TAF1D: variants seen among roughly 807,000 people sequenced by gnomAD.
TAF1D encodes TATA-box binding protein associated factor, RNA polymerase I subunit D, also known as TATA box-binding protein-associated factor RNA polymerase I subunit D.
Under a neutral mutation model 26.2 loss-of-function variants are expected in TAF1D, and 23 were observed. The observed-to-expected ratio is 0.88, with a 90% CI of 0.63 to 1.25. The LOEUF (loss-of-function observed/expected upper bound fraction) is 1.25, where lower values mean the gene tolerates loss of function less well. Ranked by LOEUF, TAF1D falls within the 50% of genes most tolerant of loss-of-function variation. The pLI is 0.00. For missense variants in TAF1D, 299 were observed against 322.0 expected, an observed-to-expected ratio of 0.93 and a Z score of 0.55; for synonymous variants, 100 against 105.6, an observed-to-expected ratio of 0.95 and a Z score of 0.33.
At chr11:93,731,495 T>C (rs368385351), downstream of TAF1D, 12 of 518,606 alleles carry the variant, frequency 2.3e-5, no homozygotes, top group African/African-American at 2.1e-4. Context: ...CAATATTTAA[T>C]GTAAATGGAT....
intron 1 of TAF1D, among the ~76,000 whole-genome samples, chr11:93,741,109 T>A (rs1191055780): frequency 6.6e-6 from 1 of 152,236 alleles, no homozygotes; most frequent in Non-Finnish European, 1.5e-5. Flanking sequence ...TCTCAAGATA[T>A]AATGAAGCCC....
chr11:93,732,539 A>T, downstream of TAF1D: 1 of 457,594 alleles, frequency 2.2e-6, no homozygotes, highest in Non-Finnish European at 4.4e-6. Context: ...CCAAATTTGC[A>T]ATATTGCTGA....
downstream of TAF1D, chr11:93,731,033 G>C (rs1048585186): frequency 7.7e-6 from 4 of 518,898 alleles, no homozygotes; most frequent in African/African-American, 7.7e-5. Flanking sequence ...AACCTACTGG[G>C]AAATTTTTTT....
rs1941193683 is a variant in TAF1D, at chr11:93,738,507, A to C, written c.69-8T>G. 6.5e-7 allele frequency: 1 copy of C among 1,547,288 alleles called. No individual in the cohort carries two copies. The highest frequency in any genetic ancestry group is 1.4e-5 in the African/African-American group (1 of 71,852). On this transcript the variant is annotated splice_polypyrimidine_tract_variant and splice_region_variant and intron_variant, in intron 2 of 5. Transcript: ENST00000448108. ...CTATCAGAAGAGTTATCACTAGAAA[A>C]ATGGGAAAAAAATTAATTTCATCTT...
chr11:93,731,765 G>A, downstream of TAF1D: 1 of 346,372 alleles, frequency 2.9e-6, no homozygotes, highest in South Asian at 2.3e-5. Context: ...AGAATCTTTG[G>A]GATCTAATTT....
chr11:93,738,029 G>A (rs1941160985), intron 3 of TAF1D, 80 bp downstream of exon 3: 3 of 1,474,540 alleles, frequency 2.0e-6, no homozygotes, highest in Non-Finnish European at 2.7e-6. Flanking sequence ...CAGTATATCT[G>A]AGACAATTCT....
downstream of TAF1D, chr11:93,731,034 A>C (rs750505666): frequency 1.9e-6 from 1 of 519,068 alleles, no homozygotes; most frequent in South Asian, 1.4e-5. Flanking sequence ...ACCTACTGGG[A>C]AATTTTTTTA....
intron 5 of TAF1D, 168 bp from the exon 6 acceptor site, chr11:93,736,472 A>C: frequency 7.0e-7 from 1 of 1,425,242 alleles, no homozygotes; most frequent in African/African-American, 1.5e-5. Flanking sequence ...CTAACTAGCA[A>C]TAATATGTAT....
chr11:93,738,512 G>GA lies in TAF1D; in HGVS notation c.69-14dup, dbSNP rs781447960. 1.3e-6 allele frequency: 2 copies of GA among 1,540,446 alleles called. No homozygotes were observed. The highest frequency in any genetic ancestry group is 1.4e-5 in the African/African-American group (1 of 71,552). ...AGAAGAGTTATCACTAGAAAAATGGGAAAAAAATTAATTTCATCTTCTTTT... is the reference window on the plus strand; with the variant it reads ...AGAAGAGTTATCACTAGAAAAATGGGAAAAAAAATTAATTTCATCTTCTTTT... On this transcript the variant is annotated splice_polypyrimidine_tract_variant and intron_variant, in intron 2 of 5. Coordinates refer to ENST00000448108, the MANE Select transcript of TAF1D (RefSeq NM_024116.4).
At chr11:93,738,703 T>C (rs1219058058) in intron 2 of TAF1D, among the ~76,000 whole-genome samples, 1 of 152,132 alleles carries the variant, frequency 6.6e-6, no homozygotes, top group Non-Finnish European at 1.5e-5. Context: ...ACAGCTCTTA[T>C]TAAAGAGTTT....
chr11:93,731,011 T>C (rs753146320), downstream of TAF1D: 9 of 518,826 alleles, frequency 1.7e-5, no homozygotes, highest in African/African-American at 5.8e-5. Flanking sequence ...GCTAGCAAAG[T>C]AGCAGATAGA....
At chr11:93,737,452 C>G (rs1464533115) in intron 3 of TAF1D, among the ~76,000 whole-genome samples, 1 of 152,094 alleles carries the variant, frequency 6.6e-6, no homozygotes, top group Non-Finnish European at 1.5e-5. Flanking sequence ...AAGTGAAGTA[C>G]ATATCTTGTC....
downstream of TAF1D, chr11:93,731,010 G>A (rs772703316): frequency 3.9e-6 from 2 of 518,832 alleles, no homozygotes; most frequent in South Asian, 1.4e-5. Flanking sequence ...TGCTAGCAAA[G>A]TAGCAGATAG....
chr11:93,738,621 AT>A, intron 2 of TAF1D, 122 bp from the exon 3 acceptor site: 1 of 1,056,600 alleles, frequency 9.5e-7, no homozygotes, highest in Non-Finnish European at 1.3e-6. Context: ...AGAATTAAAA[AT>A]TTTTTAAAGG....
At position 93,737,211 on chromosome 11, in the gene TAF1D, T is replaced by A. The variant is rs1368298448; in HGVS notation, c.488A>T (p.Tyr163Phe). ...EQAVARGFFN[Y>F]IEKLKYEHHL... ...GTGTTCATACTTCAGTTTTTCAATA[T>A]AGTTAAAAAATCCTCTTGCAACAGC... is the stretch of plus-strand genomic sequence containing the variant. Residue 163 changes from tyrosine to phenylalanine, a missense_variant, in exon 4 of 6, where the codon TAT becomes TTT. Coordinates refer to ENST00000448108, the MANE Select transcript of TAF1D (RefSeq NM_024116.4). 1.2e-6 allele frequency: 2 copies of A among 1,605,196 alleles called. No individual in the cohort carries two copies. Among genetic ancestry groups the A allele is most frequent in the Admixed American group, 3.4e-5 (2 of 58,176 alleles).
At chr11:93,732,701 A>G, downstream of TAF1D, 1 of 279,510 alleles carries the variant, frequency 3.6e-6, no homozygotes, top group South Asian at 3.5e-5. Context: ...TCTCTATAAA[A>G]CTTAAAGATG....
rs1227549128 is a variant in TAF1D at position 93,737,048 on chromosome 11, A to G, written c.635+16T>C. 2 of 1,561,620 alleles carry G rather than the reference A, an allele frequency of 1.3e-6. No homozygotes were observed. Among genetic ancestry groups the G allele is most frequent in the East Asian group, 2.3e-5 (1 of 44,166 alleles). On this transcript the variant is annotated intron_variant, in intron 4 of 5. Transcript: ENST00000448108. ...TTATAACCTATTACCAAAGTATTTC[A>G]TATGATTCCACTTACGTTGACTCCT...
At position 93,739,310 on chromosome 11, in the gene TAF1D, GCT is replaced by G. The variant is rs747830684; in HGVS notation, c.-8_-7del. The G allele has an allele frequency of 8.1e-6, 13 of 1,602,702 alleles. No homozygotes were observed. Among genetic ancestry groups the G allele is most frequent in the Admixed American group, 3.5e-5 (2 of 56,818 alleles). Reference sequence around the variant, plus strand: ...TCTATTCCTGATTTATCCATCAATTGCTCTTTGTTTTAAACAGTTTTCTGAAA... The same window carrying G: ...TCTATTCCTGATTTATCCATCAATTGCTTTGTTTTAAACAGTTTTCTGAAA... On this transcript the variant is annotated 5_prime_UTR_variant, in exon 2 of 6. Coordinates refer to ENST00000448108, the MANE Select transcript of TAF1D (RefSeq NM_024116.4).
In TAF1D at chr11:93,736,256, A is replaced by G. The variant is rs781024250; in HGVS notation, c.742T>C (p.Tyr248His). Residue 248 changes from tyrosine to histidine, a missense_variant, in exon 6 of 6, where the codon TAC becomes CAC. Transcript: ENST00000448108. ...TCAGTAATATCCTCTTCTTCTAAGT[A>G]TACACTCAGTCTTACAGGGAATTCA... ...SSEFPVRLSV[Y>H]LEEEDITEEA... is the part of the protein sequence containing the mutation. 3.1e-6 allele frequency: 5 copies of G among 1,613,212 alleles called. No homozygotes were observed. The South Asian group carries it at 3.3e-5, about 11-fold the overall frequency.
Sources: gnomAD v4.1 joint callset for allele counts (sites outside exome capture counted in the v4.1 genomes callset) on GRCh38, gnomAD v4.1.1 for gene constraint, MANE v1.5 for transcripts, NCBI Gene and HGNC (gene_info 2026-07-23, HGNC 2026-07-21) for gene names.